Variants in SPICE1 observed in about 807,000 individuals in gnomAD.
SPICE1 encodes the protein spindle and centriole-associated protein 1.
In SPICE1, 75 loss-of-function variants were observed where a neutral mutation model predicts 102.7. That is an observed-to-expected ratio of 0.73 (90% CI 0.61 to 0.88). SPICE1 has a LOEUF of 0.88. SPICE1 is among the 40% of genes least tolerant of loss of function. The probability of loss-of-function intolerance (pLI) is 0.00; values close to 1 mark genes in which losing one functional copy is unlikely to be tolerated. For synonymous variants in SPICE1, 308 were observed against 350.3 expected (o/e 0.88, Z 1.35); for missense variants, 979 against 1,020.1 (o/e 0.96, Z 0.55).
intron 11 of SPICE1, among the ~76,000 whole-genome samples, chr3:113,461,204 T>C (rs1458186748): frequency 6.6e-6 from 1 of 151,948 alleles, no homozygotes; most frequent in Non-Finnish European, 1.5e-5. Context: ...AGCACAAAAT[T>C]CTGTATGTAA....
chr3:113,513,158 G>A (rs190135116), intron 1 of SPICE1, among the ~76,000 whole-genome samples: 1 of 152,228 alleles, frequency 6.6e-6, no homozygotes, highest in East Asian at 1.9e-4. Flanking sequence ...TGTAATCCCA[G>A]CAACTCGGGA....
chr3:113,511,639 T>C (rs989049068), intron 1 of SPICE1, among the ~76,000 whole-genome samples: 1 of 152,014 alleles, frequency 6.6e-6, no homozygotes, highest in African/African-American at 2.4e-5. Context: ...AGACAGAGCA[T>C]CAGGAAAAAT....
intron 1 of SPICE1, among the ~76,000 whole-genome samples, chr3:113,512,523 C>T (rs1014689699): frequency 6.6e-6 from 1 of 151,870 alleles, no homozygotes; most frequent in African/African-American, 2.4e-5. Context: ...ATTCTCCTCC[C>T]TCAGCCTCCT....
rs1219910526 is a variant in SPICE1, at chr3:113,515,112, C to T, written c.-216G>A. ...TCGGTCCCGACTGCCGCCGCCACCG[C>T]AGCTAAAACTTCAGGCGCCGGAACC... On this transcript the variant is annotated 5_prime_UTR_variant, in exon 1 of 18. Transcript: ENST00000295872. 1 of 166,526 alleles carries T rather than the reference C, an allele frequency of 6.0e-6. No individual in the cohort carries two copies. The highest frequency in any genetic ancestry group is 1.3e-5 in the Non-Finnish European group (1 of 76,610). 10.3% of individuals were successfully genotyped at this position (166,526 alleles called of 1,614,324 possible).
chr3:113,456,938 T>A (rs1872747), intron 13 of SPICE1, among the ~76,000 whole-genome samples, 198 bp downstream of exon 13: 24,320 of 152,218 alleles, frequency 0.16, 1,976 homozygotes, highest in Middle Eastern at 0.21. Flanking sequence ...AAAATAGATA[T>A]ACAATAAAAT....
Position 113,453,938 on chromosome 3 carries a change from G to A in SPICE1, c.1670C>T (p.Thr557Ile). ...FSPLQDVLRR[T>I]VQTRPAPRLP... ...TCGTGGAGCAGGACGAGTTTGAACA[G>A]TCCTTCTCAATACTATAGATAAGAA... The change falls in exon 14 of 18, where the codon ACT becomes ATT. Residue 557 changes from threonine (T) to isoleucine (I), a missense_variant. Transcript: ENST00000295872. 6.2e-7 allele frequency: 1 copy of A among 1,611,316 alleles called. No individual in the cohort carries two copies. The highest frequency in any genetic ancestry group is 1.3e-5 in the African/African-American group (1 of 74,784).
intron 4 of SPICE1, 143 bp from the exon 5 acceptor site, chr3:113,494,285 G>C: frequency 1.8e-6 from 1 of 561,080 alleles, no homozygotes; most frequent in Non-Finnish European, 3.1e-6. Context: ...ATATCCTTAA[G>C]AACCAGTAGA....
chr3:113,507,438 C>T lies in SPICE1; in HGVS notation c.1-833G>A, dbSNP rs553773843. Reference sequence around the variant, plus strand: ...CAGGACTTTCCAGCTGACCCCCTTACTCCCAATTAGTCTAAAACAAGGACT... The same window carrying T: ...CAGGACTTTCCAGCTGACCCCCTTATTCCCAATTAGTCTAAAACAAGGACT... On this transcript the variant is annotated intron_variant, in intron 1 of 17. Transcript: ENST00000295872. 2.0e-5 allele frequency among the ~76,000 whole-genome samples: 3 copies of T among 152,250 alleles called. No individual in the cohort carries two copies. In the East Asian group the frequency reaches 5.8e-4, roughly 29 times the overall value.
chr3:113,480,668 A>G (rs1285200153), intron 7 of SPICE1, among the ~76,000 whole-genome samples: 1 of 152,126 alleles, frequency 6.6e-6, no homozygotes, highest in Non-Finnish European at 1.5e-5. Flanking sequence ...TTACTGATTA[A>G]AATAAAACAA....
Position 113,450,525 on chromosome 3 carries a change from G to T in SPICE1, c.2143-9C>A, listed in dbSNP as rs879073857. 1 of 1,225,020 alleles carries T rather than the reference G, an allele frequency of 8.2e-7. No individual in the cohort carries two copies. The allele number at this position is 1,225,020 out of a possible 1,614,324, so 75.9% of individuals were successfully genotyped here. A position where few individuals can be genotyped will look rare whatever the true frequency, so the allele number is the denominator to read the frequency against. ...TGTGCTACTGGAAAAGTCTTTGGGA[G>T]AAAAAAAAAAAAAGTACAAATTGAA... is the stretch of plus-strand genomic sequence containing the variant. On this transcript the variant is annotated splice_polypyrimidine_tract_variant and intron_variant, in intron 14 of 17. Coordinates refer to ENST00000295872, the MANE Select transcript of SPICE1 (RefSeq NM_144718.4).
At chr3:113,493,064 G>A in intron 6 of SPICE1, 142 bp downstream of exon 6, 2 of 585,638 alleles carry the variant, frequency 3.4e-6, no homozygotes, top group Admixed American at 3.5e-5. Context: ...CTCACAGAAA[G>A]TGCAATACAC....
chr3:113,468,387 A>C lies in SPICE1; in HGVS notation c.907T>G (p.Leu303Val), dbSNP rs1423468982. The change falls in exon 10 of 18, where the codon TTG becomes GTG. Residue 303 changes from leucine (L) to valine (V), a missense_variant. Coordinates refer to ENST00000295872, the MANE Select transcript of SPICE1 (RefSeq NM_144718.4). ...TTCTTCGGCTTGGAAAGAGCATGCA[A>C]ATTCGGTTTCCTTTTCACTGATAAT... is the stretch of plus-strand genomic sequence containing the variant. Reference protein sequence around the residue: ...LLNKVKRKPNLHALSKPKKNI... With the variant: ...LLNKVKRKPNVHALSKPKKNI... 6.2e-7 allele frequency: 1 copy of C among 1,613,210 alleles called. No homozygotes were observed. The highest frequency in any genetic ancestry group is 1.3e-5 in the African/African-American group (1 of 74,904).
At chr3:113,492,731 C>T (rs1345443150) in intron 6 of SPICE1, among the ~76,000 whole-genome samples, 3 of 152,096 alleles carry the variant, frequency 2.0e-5, no homozygotes, top group Non-Finnish European at 4.4e-5. Context: ...AACGAAGAAG[C>T]AAAACACATT....
At chr3:113,471,653 G>A (rs776246648) in intron 7 of SPICE1, among the ~76,000 whole-genome samples, 2 of 152,204 alleles carry the variant, frequency 1.3e-5, no homozygotes, top group East Asian at 1.9e-4. Flanking sequence ...AACGGGATAC[G>A]CATGGAAGCA....
rs1360253232 is a variant in SPICE1 at position 113,468,205 on chromosome 3, C to T, written c.1089G>A (p.Gln363=). 6.2e-7 allele frequency: 1 copy of T among 1,614,060 alleles called. No homozygotes were observed. Among genetic ancestry groups the T allele is most frequent in the African/African-American group, 1.3e-5 (1 of 74,930 alleles). The change falls in exon 10 of 18, where the codon CAG becomes CAA. Residue 363 remains glutamine, a synonymous_variant. Transcript: ENST00000295872. ...GREVKGLQSS[Q]GLTGFTLSLV... Reference sequence around the variant, plus strand: ...GCGACAAAGTGAAGCCTGTAAGACCCTGACTGCTCTGCAGACCCTTGACCT... The same window carrying T: ...GCGACAAAGTGAAGCCTGTAAGACCTTGACTGCTCTGCAGACCCTTGACCT...
intron 6 of SPICE1, among the ~76,000 whole-genome samples, chr3:113,491,002 C>T (rs1330540591): frequency 1.3e-5 from 2 of 152,184 alleles, no homozygotes; most frequent in African/African-American, 4.8e-5. Context: ...CCTCCCCAAT[C>T]CATCTTCCAC....
At chr3:113,451,902 A>AG (rs751197596) in intron 14 of SPICE1, among the ~76,000 whole-genome samples, 1 of 151,924 alleles carries the variant, frequency 6.6e-6, no homozygotes, top group Non-Finnish European at 1.5e-5. Context: ...ACCTCACCCT[A>AG]ACCTTCCTCA....
At chr3:113,451,172 T>C (rs1267838064) in intron 14 of SPICE1, among the ~76,000 whole-genome samples, 1 of 152,194 alleles carries the variant, frequency 6.6e-6, no homozygotes, top group East Asian at 1.9e-4. Context: ...CTGGGAATCT[T>C]GTCACTCCTT....
intron 7 of SPICE1, among the ~76,000 whole-genome samples, chr3:113,485,550 T>C (rs1346636510): frequency 6.6e-6 from 1 of 151,980 alleles, no homozygotes. Flanking sequence ...GGGCAGAACA[T>C]GTCTGGAAAA....
Sources: gnomAD v4.1 joint callset for allele counts (sites outside exome capture counted in the v4.1 genomes callset) on GRCh38, gnomAD v4.1.1 for gene constraint, MANE v1.5 for transcripts, NCBI Gene and HGNC (gene_info 2026-07-23, HGNC 2026-07-21) for gene names.